Variants in LDB2 observed in about 807,000 individuals in gnomAD.
The protein encoded by LDB2 is LIM domain-binding protein 2.
Under a neutral mutation model 44.3 loss-of-function variants are expected in LDB2, and 12 were observed. That is an observed-to-expected ratio of 0.27 (90% CI 0.17 to 0.44). LDB2 has a LOEUF of 0.44. Ranked by LOEUF, LDB2 falls within the 20% of genes least tolerant of loss-of-function variation. LDB2 has a pLI of 1.00. For synonymous variants in LDB2, 164 were observed against 174.8 expected, an observed-to-expected ratio of 0.94 and a Z score of 0.49; for missense variants, 344 against 473.5, an observed-to-expected ratio of 0.73 and a Z score of 2.54.
At chr4:16,591,924 C>T (rs1355630157) in intron 3 of LDB2, among the ~76,000 whole-genome samples, 2 of 151,576 alleles carry the variant, frequency 1.3e-5, no homozygotes, top group African/African-American at 2.4e-5. Context: ...TCAAAAGGGT[C>T]CCCAATTAAG....
chr4:16,821,579 C>T (rs111613778), intron 1 of LDB2, among the ~76,000 whole-genome samples: 3 of 148,760 alleles, frequency 2.0e-5, no homozygotes, highest in African/African-American at 7.4e-5. Flanking sequence ...TTAGTAGAGA[C>T]GAGGATTCAC....
intron 1 of LDB2, among the ~76,000 whole-genome samples, chr4:16,896,997 T>C (rs1725201290): frequency 6.6e-6 from 1 of 152,230 alleles, no homozygotes; most frequent in Non-Finnish European, 1.5e-5. Context: ...ATATTTAGCG[T>C]CTATGGTGTA....
At chr4:16,553,966 A>G (rs549713431) in intron 5 of LDB2, among the ~76,000 whole-genome samples, 3 of 151,444 alleles carry the variant, frequency 2.0e-5, no homozygotes, top group African/African-American at 7.3e-5. Flanking sequence ...ATATGACACC[A>G]CCACTAGAAA....
At chr4:16,831,193 C>G (rs1007235557) in intron 1 of LDB2, among the ~76,000 whole-genome samples, 3 of 64,554 alleles carry the variant, frequency 4.6e-5, no homozygotes, top group East Asian at 4.6e-4. Flanking sequence ...TTTTTTTTTT[C>G]TATTTTAAGT....
chr4:16,764,803 T>A lies in LDB2; in HGVS notation c.133-5543A>T, dbSNP rs932431958. Among the ~76,000 whole-genome samples the A allele has an allele frequency of 2.6e-5, 4 of 152,184 alleles. No homozygotes were observed. In the East Asian group the frequency reaches 7.7e-4, roughly 29 times the overall value. On this transcript the variant is annotated intron_variant, in intron 1 of 7. Coordinates refer to ENST00000304523, the MANE Select transcript of LDB2 (RefSeq NM_001290.5). The stretch of plus-strand genomic sequence containing the variant: ...CATTCTCCTTTTGGACCTGGCAATG[T>A]GGCCAAGTTCAGCAAGACGGCCAGC...
At chr4:16,854,023 T>A (rs1297955952) in intron 1 of LDB2, among the ~76,000 whole-genome samples, 1 of 152,196 alleles carries the variant, frequency 6.6e-6, no homozygotes, top group East Asian at 1.9e-4. Context: ...TTGAAGAATG[T>A]AAAATAACAG....
At chr4:16,530,126 A>G (rs1729638425) in intron 5 of LDB2, among the ~76,000 whole-genome samples, 1 of 152,202 alleles carries the variant, frequency 6.6e-6, no homozygotes, top group Non-Finnish European at 1.5e-5. Flanking sequence ...GACTCCTAAT[A>G]TTATAGAACT....
intron 2 of LDB2, among the ~76,000 whole-genome samples, chr4:16,658,081 T>A (rs1483791212): frequency 1.3e-5 from 2 of 152,160 alleles, no homozygotes; most frequent in African/African-American, 4.8e-5. Context: ...GTTGTAAGCA[T>A]AATATAAAAA....
intron 2 of LDB2, among the ~76,000 whole-genome samples, chr4:16,690,786 C>A (rs1401354399): frequency 6.6e-6 from 1 of 152,082 alleles, no homozygotes; most frequent in East Asian, 1.9e-4. Context: ...CAAAGTTATG[C>A]TTCAGTATTT....
intron 1 of LDB2, among the ~76,000 whole-genome samples, chr4:16,759,720 A>G (rs1767481790): frequency 2.0e-5 from 3 of 152,206 alleles, no homozygotes; most frequent in Admixed American, 2.0e-4. Flanking sequence ...TCCTAGCTCT[A>G]CTATACACAA....
At chr4:16,866,975 T>C (rs897760320) in intron 1 of LDB2, among the ~76,000 whole-genome samples, 6 of 152,184 alleles carry the variant, frequency 3.9e-5, no homozygotes, top group Non-Finnish European at 7.3e-5. Flanking sequence ...CTGGCTGGAC[T>C]TTTGTGACAA....
At chr4:16,838,392 T>C (rs562936934) in intron 1 of LDB2, among the ~76,000 whole-genome samples, 6 of 152,316 alleles carry the variant, frequency 3.9e-5, no homozygotes, top group African/African-American at 4.8e-5. Flanking sequence ...TTCACCATAG[T>C]TGTGTTGACA....
chr4:16,764,031 T>G (rs1328804236), intron 1 of LDB2, among the ~76,000 whole-genome samples: 1 of 152,124 alleles, frequency 6.6e-6, no homozygotes, highest in Non-Finnish European at 1.5e-5. Context: ...TCAAAAAAGG[T>G]AAGCTACTCA....
intron 2 of LDB2, among the ~76,000 whole-genome samples, chr4:16,678,375 A>G (rs1397858468): frequency 6.6e-6 from 1 of 152,210 alleles, no homozygotes; most frequent in Non-Finnish European, 1.5e-5. Context: ...TAGACTGGAC[A>G]TACTGATTTT....
In LDB2 at chr4:16,759,276, T is replaced by A; in HGVS notation, c.133-16A>T. ...TGTCACTATCCTGCAAAGAGACAGA[T>A]CATTTATTTAACAAGGGAAAGTGGG... On this transcript the variant is annotated splice_polypyrimidine_tract_variant and intron_variant, in intron 1 of 7. Coordinates refer to ENST00000304523, the MANE Select transcript of LDB2 (RefSeq NM_001290.5). 1.3e-6 allele frequency: 2 copies of A among 1,549,708 alleles called. No homozygotes were observed. Among genetic ancestry groups the A allele is most frequent in the Non-Finnish European group, 1.8e-6 (2 of 1,122,018 alleles).
chr4:16,830,501 A>C (rs1188810717), intron 1 of LDB2, among the ~76,000 whole-genome samples: 1 of 152,236 alleles, frequency 6.6e-6, no homozygotes, highest in African/African-American at 2.4e-5. Flanking sequence ...TCTTTATAGC[A>C]GTGTAAGAAC....
At chr4:16,771,007 A>G (rs1770539798) in intron 1 of LDB2, among the ~76,000 whole-genome samples, 1 of 152,224 alleles carries the variant, frequency 6.6e-6, no homozygotes, top group Non-Finnish European at 1.5e-5. Flanking sequence ...CTGTAAAATC[A>G]GGCACAAATT....
chr4:16,537,680 G>A (rs1732326719), intron 5 of LDB2, among the ~76,000 whole-genome samples: 2 of 152,158 alleles, frequency 1.3e-5, no homozygotes, highest in Admixed American at 1.3e-4. Flanking sequence ...CCTGAGAGGA[G>A]GGTCAATGAG....
intron 5 of LDB2, among the ~76,000 whole-genome samples, chr4:16,515,350 A>G (rs957635920): frequency 4.6e-5 from 7 of 152,244 alleles, no homozygotes; most frequent in Admixed American, 3.3e-4. Context: ...GACGGTGTCA[A>G]TAGAAGCCCA....
Sources: gnomAD v4.1 joint callset for allele counts (sites outside exome capture counted in the v4.1 genomes callset) on GRCh38, gnomAD v4.1.1 for gene constraint, MANE v1.5 for transcripts, NCBI Gene and HGNC (gene_info 2026-07-23, HGNC 2026-07-21) for gene names.